ATXN1: variants seen among roughly 807,000 people sequenced by gnomAD.
ATXN1 encodes the protein ataxin-1.
A neutral mutation model predicts 56.4 loss-of-function variants in ATXN1; 8 were observed. That is an observed-to-expected ratio of 0.14 (90% CI 0.08 to 0.26). The LOEUF (loss-of-function observed/expected upper bound fraction) is 0.26. Ranked by LOEUF, ATXN1 falls within the 10% of genes least tolerant of loss-of-function variation. The pLI is 1.00. For synonymous variants in ATXN1, 514 were observed against 494.6 expected (o/e 1.04, Z -0.52); for missense variants, 987 against 1,106.5 (o/e 0.89, Z 1.53).
chr6:16,585,130 A>G (rs941692816), intron 4 of ATXN1, among the ~76,000 whole-genome samples: 2 of 151,806 alleles, frequency 1.3e-5, no homozygotes, highest in African/African-American at 4.8e-5. Flanking sequence ...AGTCCCAGCT[A>G]TTAATACTTG....
At chr6:16,684,595 T>C (rs926866632) in intron 2 of ATXN1, among the ~76,000 whole-genome samples, 1 of 152,162 alleles carries the variant, frequency 6.6e-6, no homozygotes, top group Non-Finnish European at 1.5e-5. Context: ...TTCGGTTATT[T>C]GCCAAAGGCC....
chr6:16,309,238 A>T (rs1014857901), intron 7 of ATXN1, among the ~76,000 whole-genome samples: 2 of 148,404 alleles, frequency 1.3e-5, no homozygotes, highest in Non-Finnish European at 3.0e-5. Context: ...TAAAAAAAAA[A>T]AAAATAAATA....
At chr6:16,458,092 A>G in intron 6 of ATXN1, among the ~76,000 whole-genome samples, 1 of 152,204 alleles carries the variant, frequency 6.6e-6, no homozygotes, top group East Asian at 1.9e-4. Flanking sequence ...AAAAGAATGC[A>G]GCTTTAGCTG....
intron 2 of ATXN1, among the ~76,000 whole-genome samples, chr6:16,666,293 A>G (rs1758422721): frequency 1.3e-5 from 2 of 152,200 alleles, no homozygotes; most frequent in African/African-American, 4.8e-5. Context: ...AGTTCCAGCC[A>G]TGTTGTTACA....
At chr6:16,645,678 T>G (rs1313962403) in intron 3 of ATXN1, among the ~76,000 whole-genome samples, 1 of 152,182 alleles carries the variant, frequency 6.6e-6, no homozygotes, top group East Asian at 1.9e-4. Flanking sequence ...ATAATTGAAA[T>G]GCAAAAATTA....
chr6:16,550,155 C>CAAAAAAAAAAAAAAAAA (rs70999336), intron 4 of ATXN1, among the ~76,000 whole-genome samples: 1 of 91,196 alleles, frequency 1.1e-5, no homozygotes, highest in Non-Finnish European at 2.3e-5. Context: ...AAATAAAATA[C>CAAAAAAAAAAAAAAAAA]AAAAAAAAAA....
chr6:16,422,434 G>A (rs1759055836), intron 6 of ATXN1, among the ~76,000 whole-genome samples: 1 of 152,048 alleles, frequency 6.6e-6, no homozygotes, highest in South Asian at 2.1e-4. Context: ...TCCTAAGACA[G>A]CCATAACTGC....
intron 6 of ATXN1, among the ~76,000 whole-genome samples, chr6:16,453,146 A>G (rs1397012486): frequency 6.6e-6 from 1 of 151,164 alleles, no homozygotes; most frequent in Non-Finnish European, 1.5e-5. Flanking sequence ...CACTTGTGTA[A>G]TCTTACATAA....
intron 4 of ATXN1, among the ~76,000 whole-genome samples, chr6:16,547,354 C>T (rs1198285290): frequency 2.0e-5 from 3 of 152,174 alleles, no homozygotes; most frequent in African/African-American, 7.2e-5. Context: ...CACCTGCTTT[C>T]AAAAGTCAAA....
At chr6:16,704,849 C>G (rs1759372783) in intron 2 of ATXN1, among the ~76,000 whole-genome samples, 1 of 152,208 alleles carries the variant, frequency 6.6e-6, no homozygotes, top group Non-Finnish European at 1.5e-5. Context: ...TTCCAAACGT[C>G]TGCACCAATG....
intron 4 of ATXN1, among the ~76,000 whole-genome samples, chr6:16,528,989 G>C (rs995265779): frequency 3.9e-5 from 6 of 152,082 alleles, no homozygotes; most frequent in African/African-American, 1.4e-4. Flanking sequence ...GACCAGCCTG[G>C]GCAACATGGT....
intron 3 of ATXN1, among the ~76,000 whole-genome samples, chr6:16,592,699 G>C (rs900386661): frequency 5.3e-5 from 8 of 151,934 alleles, no homozygotes; most frequent in African/African-American, 1.9e-4. Context: ...TCGTGGTCTC[G>C]CTGACTTCAA....
At chr6:16,586,884 T>C (rs1053462679) in intron 3 of ATXN1, among the ~76,000 whole-genome samples, 2 of 152,060 alleles carry the variant, frequency 1.3e-5, no homozygotes, top group African/African-American at 2.4e-5. Flanking sequence ...CCACGCATGG[T>C]GGTGCGTGCC....
intron 3 of ATXN1, among the ~76,000 whole-genome samples, chr6:16,633,159 T>C (rs1210428795): frequency 6.6e-6 from 1 of 152,222 alleles, no homozygotes; most frequent in Non-Finnish European, 1.5e-5. Context: ...GTCATTTTGT[T>C]ATAAAGAAAC....
intron 3 of ATXN1, among the ~76,000 whole-genome samples, chr6:16,639,556 C>T (rs956562559): frequency 5.9e-5 from 9 of 152,202 alleles, no homozygotes; most frequent in Admixed American, 2.0e-4. Flanking sequence ...TCAGGTGATT[C>T]GCCTGCCTCA....
intron 6 of ATXN1, among the ~76,000 whole-genome samples, chr6:16,349,964 A>T (rs1761532958): frequency 6.6e-6 from 1 of 152,234 alleles, no homozygotes; most frequent in Non-Finnish European, 1.5e-5. Context: ...AATTAAATCA[A>T]TGCTTTTCCT....
At chr6:16,619,128 T>C (rs958828351) in intron 3 of ATXN1, among the ~76,000 whole-genome samples, 2 of 148,368 alleles carry the variant, frequency 1.3e-5, no homozygotes, top group African/African-American at 4.9e-5. Context: ...TGTTTGTTTC[T>C]TTTTTTTTTA....
intron 6 of ATXN1, among the ~76,000 whole-genome samples, chr6:16,459,913 C>A (rs766456232): frequency 6.6e-6 from 1 of 152,198 alleles, no homozygotes; most frequent in Non-Finnish European, 1.5e-5. Flanking sequence ...GCATCTAAAT[C>A]GAAGGCCCAG....
At chr6:16,387,240 T>C (rs1758260685) in intron 6 of ATXN1, among the ~76,000 whole-genome samples, 1 of 152,172 alleles carries the variant, frequency 6.6e-6, no homozygotes, top group African/African-American at 2.4e-5. Context: ...AAGTAGAAGC[T>C]AGGTTAAGCT....
Sources: gnomAD v4.1 joint callset for allele counts (sites outside exome capture counted in the v4.1 genomes callset) on GRCh38, gnomAD v4.1.1 for gene constraint, MANE v1.5 for transcripts, NCBI Gene and HGNC (gene_info 2026-07-23, HGNC 2026-07-21) for gene names.